The following DOK6 variants were observed in gnomAD, a reference collection of about 807,000 sequenced individuals.
DOK6 encodes docking protein 6, also known as downstream of tyrosine kinase 6.
DOK6 carries 22 observed loss-of-function variants against 44.0 expected under a neutral mutation model. That is an observed-to-expected ratio of 0.50 (90% CI 0.36 to 0.71). DOK6 has a LOEUF of 0.71. DOK6 is among the 30% of genes least tolerant of loss of function. The pLI, the probability that DOK6 is intolerant of heterozygous loss-of-function variation, is 0.00. For synonymous variants in DOK6, 166 were observed against 145.5 expected (o/e 1.14, Z -1.01); for missense variants, 340 against 416.4 (o/e 0.82, Z 1.60).
chr18:69,697,887 T>C (rs997967840), intron 4 of DOK6, among the ~76,000 whole-genome samples: 5 of 152,256 alleles, frequency 3.3e-5, no homozygotes, highest in African/African-American at 1.2e-4. Context: ...GACTACAATT[T>C]GTTTTGAGAT....
intron 7 of DOK6, among the ~76,000 whole-genome samples, chr18:69,811,864 G>T (rs979273012): frequency 1.3e-5 from 2 of 151,892 alleles, no homozygotes; most frequent in African/African-American, 4.8e-5. Context: ...ATATCCCACT[G>T]CCATTTAAGT....
At chr18:69,527,450 A>T (rs1199555369) in intron 1 of DOK6, among the ~76,000 whole-genome samples, 1 of 152,126 alleles carries the variant, frequency 6.6e-6, no homozygotes, top group African/African-American at 2.4e-5. Flanking sequence ...CCTCTTCTAA[A>T]ACCATCAGCT....
intron 7 of DOK6, among the ~76,000 whole-genome samples, chr18:69,766,011 T>C (rs988717732): frequency 6.6e-6 from 1 of 152,030 alleles, no homozygotes; most frequent in Admixed American, 6.6e-5. Flanking sequence ...AGACATGAAA[T>C]CAACCTAGGC....
At chr18:69,683,649 T>TC (rs1336221603) in intron 4 of DOK6, among the ~76,000 whole-genome samples, 1 of 152,162 alleles carries the variant, frequency 6.6e-6, no homozygotes, top group African/African-American at 2.4e-5. Flanking sequence ...AAAGGATTCT[T>TC]CCGTTGAGCA....
chr18:69,570,037 C>T (rs1983076300), intron 2 of DOK6, among the ~76,000 whole-genome samples: 1 of 151,566 alleles, frequency 6.6e-6, no homozygotes, highest in South Asian at 2.1e-4. Context: ...CTGGGATCTA[C>T]TTGAGGGAGG....
At chr18:69,474,258 A>AT (rs1468913874) in intron 1 of DOK6, among the ~76,000 whole-genome samples, 105 of 150,592 alleles carry the variant, frequency 7.0e-4, no homozygotes, top group Non-Finnish European at 5.9e-4. Flanking sequence ...CTTCTTCTCC[A>AT]TCCCCCTTCC....
chr18:69,404,196 A>G (rs1231812398), intron 1 of DOK6, among the ~76,000 whole-genome samples: 3 of 152,166 alleles, frequency 2.0e-5, no homozygotes, highest in African/African-American at 7.2e-5. Context: ...AGATAAGTGC[A>G]ATTTTGAATG....
intron 7 of DOK6, among the ~76,000 whole-genome samples, chr18:69,776,346 T>C (rs567446724): frequency 5.3e-5 from 8 of 152,026 alleles, no homozygotes; most frequent in African/African-American, 1.9e-4. Flanking sequence ...CAGATCATAA[T>C]GCAATACAAA....
chr18:69,494,976 G>A (rs1053648764), intron 1 of DOK6, among the ~76,000 whole-genome samples: 11 of 152,306 alleles, frequency 7.2e-5, no homozygotes, highest in Non-Finnish European at 2.9e-5. Flanking sequence ...TGCCAAGTGC[G>A]AGCCAGGTGT....
intron 1 of DOK6, among the ~76,000 whole-genome samples, chr18:69,473,275 T>C (rs1980167570): frequency 6.6e-6 from 1 of 152,214 alleles, no homozygotes; most frequent in Non-Finnish European, 1.5e-5. Flanking sequence ...GAATAATTTT[T>C]GAAAATATTG....
At chr18:69,730,557 T>C (rs1461344937) in intron 5 of DOK6, among the ~76,000 whole-genome samples, 1 of 152,186 alleles carries the variant, frequency 6.6e-6, no homozygotes, top group Non-Finnish European at 1.5e-5. Flanking sequence ...CTTCTTAGCT[T>C]CTACATTGAA....
chr18:69,837,095 C>T (rs1405117800), intron 7 of DOK6, among the ~76,000 whole-genome samples: 3 of 152,046 alleles, frequency 2.0e-5, no homozygotes, highest in Non-Finnish European at 4.4e-5. Context: ...GCGATGCTGA[C>T]CTTGAGGGGG....
chr18:69,696,380 A>C (rs1370035045), intron 4 of DOK6, among the ~76,000 whole-genome samples: 1 of 152,186 alleles, frequency 6.6e-6, no homozygotes, highest in Admixed American at 6.5e-5. Context: ...ATGGGCATGA[A>C]CATCAAGGGT....
At chr18:69,819,262 T>A (rs532290948) in intron 7 of DOK6, among the ~76,000 whole-genome samples, 6 of 152,262 alleles carry the variant, frequency 3.9e-5, no homozygotes, top group African/African-American at 1.2e-4. Flanking sequence ...TTTCTCTCAA[T>A]GGATGAAGAG....
intron 1 of DOK6, among the ~76,000 whole-genome samples, chr18:69,468,841 G>A (rs1443991951): frequency 6.6e-6 from 1 of 152,126 alleles, no homozygotes; most frequent in Non-Finnish European, 1.5e-5. Flanking sequence ...ATAAAGACAC[G>A]AACTTGAATA....
At chr18:69,585,461 G>C (rs1983476793) in intron 2 of DOK6, among the ~76,000 whole-genome samples, 1 of 152,118 alleles carries the variant, frequency 6.6e-6, no homozygotes, top group Admixed American at 6.5e-5. Context: ...GTTTGCTGTT[G>C]ATAGTGGATG....
intron 1 of DOK6, among the ~76,000 whole-genome samples, chr18:69,489,535 G>T (rs886111460): frequency 1.3e-5 from 2 of 151,986 alleles, no homozygotes; most frequent in Non-Finnish European, 2.9e-5. Context: ...AGGGGAAGGG[G>T]TCCAAAATAC....
chr18:69,726,685 A>T (rs12957679), intron 5 of DOK6, among the ~76,000 whole-genome samples: 5 of 98,932 alleles, frequency 5.1e-5, no homozygotes, highest in South Asian at 3.1e-4. Flanking sequence ...ATATACATAT[A>T]TTTTTTTTCT....
intron 6 of DOK6, among the ~76,000 whole-genome samples, chr18:69,747,493 C>T (rs186939587): frequency 9.2e-5 from 14 of 152,252 alleles, no homozygotes; most frequent in African/African-American, 2.9e-4. Context: ...AAATTCCCAA[C>T]ATTTGTCAGC....
Sources: gnomAD v4.1 joint callset for allele counts (sites outside exome capture counted in the v4.1 genomes callset) on GRCh38, gnomAD v4.1.1 for gene constraint, MANE v1.5 for transcripts, NCBI Gene and HGNC (gene_info 2026-07-23, HGNC 2026-07-21) for gene names.